KIAA1217: variants seen among roughly 807,000 people sequenced by gnomAD.
KIAA1217 encodes KIAA1217.
Under a neutral mutation model 163.9 loss-of-function variants are expected in KIAA1217, and 88 were observed. The observed-to-expected ratio is 0.54, with a 90% confidence interval of 0.45 to 0.64. The LOEUF (loss-of-function observed/expected upper bound fraction) is 0.64, where lower values mean the gene tolerates loss of function less well. Ranked by LOEUF, KIAA1217 falls within the 30% of genes least tolerant of loss-of-function variation. The pLI, the probability that KIAA1217 is intolerant of heterozygous loss-of-function variation, is 0.00. For missense variants in KIAA1217, 2,372 were observed against 2,475.0 expected (o/e 0.96, Z 0.88); for synonymous variants, 903 against 923.1 (o/e 0.98, Z 0.39).
At chr10:23,993,769 G>A (rs947487598) in intron 1 of KIAA1217, among the ~76,000 whole-genome samples, 6 of 151,704 alleles carry the variant, frequency 4.0e-5, no homozygotes, top group Admixed American at 2.0e-4. Flanking sequence ...AGCAGAAAAC[G>A]GGGTTTCACC....
At chr10:24,518,101 G>T (rs2070487084) in intron 10 of KIAA1217, among the ~76,000 whole-genome samples, 1 of 152,210 alleles carries the variant, frequency 6.6e-6, no homozygotes, top group African/African-American at 2.4e-5. Flanking sequence ...CCAACAAACT[G>T]CATGCTTCTT....
intron 5 of KIAA1217, among the ~76,000 whole-genome samples, chr10:24,447,661 A>G (rs914698416): frequency 6.6e-6 from 1 of 152,182 alleles, no homozygotes; most frequent in Admixed American, 6.5e-5. Context: ...GCCCTTTTCT[A>G]TCACCAACTT....
intron 1 of KIAA1217, among the ~76,000 whole-genome samples, chr10:23,977,203 A>T (rs1845578268): frequency 6.6e-6 from 1 of 152,248 alleles, no homozygotes. Context: ...AGAGAAGCAC[A>T]TCTTGAAGTT....
Position 24,370,264 on chromosome 10 carries a change from C to CAAAA in KIAA1217, c.355-10587_355-10584dup, listed in dbSNP as rs5783891. ...TGGGCAACAGAGCGAGACTCTGTCT[C>CAAAA]AAAAAAAAAAAAAAAAAAAAAGACA... is the stretch of plus-strand genomic sequence containing the variant. On this transcript the variant is annotated intron_variant, in intron 2 of 20. Coordinates refer to ENST00000376454, the MANE Select transcript of KIAA1217 (RefSeq NM_019590.5). 2.9e-4 allele frequency among the ~76,000 whole-genome samples: 21 copies of CAAAA among 73,416 alleles called. No homozygotes were observed. The East Asian group carries it at 3.4e-3, about 12-fold the overall frequency. The allele number at this position is 73,416 out of a possible 152,430, so 48.2% of individuals were successfully genotyped here.
chr10:24,379,344 C>T lies in KIAA1217; in HGVS notation c.355-1525C>T, dbSNP rs575538591. Among the ~76,000 whole-genome samples, 4 of 152,290 alleles carry T rather than the reference C, an allele frequency of 2.6e-5. No homozygotes were observed. In the East Asian group the frequency reaches 5.8e-4, roughly 22 times the overall value. ...TTTGTAAAAAATAAATCTAGGAATG[C>T]ACCACTTTGGGGACTTGTACAGAAA... On this transcript the variant is annotated intron_variant, in intron 2 of 20. Coordinates refer to ENST00000376454, the MANE Select transcript of KIAA1217 (RefSeq NM_019590.5).
intron 2 of KIAA1217, among the ~76,000 whole-genome samples, chr10:24,080,751 T>G (rs2061511298): frequency 6.6e-6 from 1 of 152,272 alleles, no homozygotes; most frequent in South Asian, 2.1e-4. Flanking sequence ...ATGTAAAGTG[T>G]CTTTAAGAAA....
In KIAA1217 at chr10:24,074,410, C is replaced by G. The variant is rs190355768; in HGVS notation, c.-171+67036C>G. Among the ~76,000 whole-genome samples the G allele has an allele frequency of 2.6e-5, 4 of 152,156 alleles. No individual in the cohort carries two copies. The East Asian group carries it at 7.7e-4, about 29-fold the overall frequency. On this transcript the variant is annotated intron_variant, in intron 2 of 18. Coordinates refer to the KIAA1217 transcript ENST00000376462. ...AAAAAACACCTAACTTTAAAACGTG[C>G]TTTTGGTGTTGCAGACATTTTCATT...
intron 1 of KIAA1217, among the ~76,000 whole-genome samples, chr10:23,893,073 T>C (rs999311785): frequency 2.0e-5 from 3 of 151,998 alleles, no homozygotes; most frequent in Non-Finnish European, 4.4e-5. Context: ...ATGGTACCAG[T>C]TCCTCCTTGT....
At chr10:24,175,023 A>AT (rs56155837) in intron 2 of KIAA1217, among the ~76,000 whole-genome samples, 98,100 of 148,692 alleles carry the variant, frequency 0.66, 32,712 homozygotes, top group Non-Finnish European at 0.73. Context: ...TGCCTGGCTA[A>AT]TTTTTTTTTT....
rs558266102 is a variant in KIAA1217, at chr10:23,828,081, T to C, written c.-321+132847T>C. 9.8e-5 allele frequency among the ~76,000 whole-genome samples: 15 copies of C among 152,324 alleles called. No homozygotes were observed. In the South Asian group the frequency reaches 1.4e-3, roughly 15 times the overall value. ...ATTAACGCTTATTGATTTTCTGCAA[T>C]GTTTTAAGTCCTGTGCACAAAGACG... On this transcript the variant is annotated intron_variant, in intron 1 of 18. Transcript: ENST00000376462.
At chr10:23,737,207 A>G (rs1228983243) in intron 1 of KIAA1217, among the ~76,000 whole-genome samples, 1 of 151,510 alleles carries the variant, frequency 6.6e-6, no homozygotes, top group Non-Finnish European at 1.5e-5. Context: ...TTACATTAAC[A>G]TATTTTTTTT....
At chr10:24,361,336 C>T (rs1240958155) in intron 2 of KIAA1217, among the ~76,000 whole-genome samples, 6 of 152,178 alleles carry the variant, frequency 3.9e-5, no homozygotes, top group Non-Finnish European at 8.8e-5. Context: ...TGCAGGCAGA[C>T]GCCACCATGC....
At chr10:23,966,220 GACTGATAGACA>G (rs1290262185) in intron 1 of KIAA1217, among the ~76,000 whole-genome samples, 6 of 152,168 alleles carry the variant, frequency 3.9e-5, no homozygotes, top group Non-Finnish European at 7.4e-5. Context: ...AGATCACGCT[GACTGATAGACA>G]ACAAGCCTCT....
intron 1 of KIAA1217, among the ~76,000 whole-genome samples, chr10:23,739,884 C>A (rs2130807516): frequency 6.6e-6 from 1 of 152,164 alleles, no homozygotes; most frequent in Non-Finnish European, 1.5e-5. Context: ...TGAAGCAGAG[C>A]CAACATGATT....
Position 23,824,584 on chromosome 10 carries a change from C to T in KIAA1217, c.-321+129350C>T, listed in dbSNP as rs181073249. 7.0e-3 allele frequency among the ~76,000 whole-genome samples: 865 copies of T among 122,698 alleles called. 9 individuals carry two copies. Among genetic ancestry groups the T allele is most frequent in the African/African-American group, 0.025 (827 of 33,018 alleles). The allele number at this position is 122,698 out of a possible 152,430, so 80.5% of individuals were successfully genotyped here. A position where few individuals can be genotyped will look rare whatever the true frequency, so the allele number is the denominator to read the frequency against. ...CAGAGGTTGCAGTGAGCTGAGATGGCGCCATTGCACTCCAGCCTGGGCAAC... is the reference window on the plus strand; with the variant it reads ...CAGAGGTTGCAGTGAGCTGAGATGGTGCCATTGCACTCCAGCCTGGGCAAC... On this transcript the variant is annotated intron_variant, in intron 1 of 18. Transcript: ENST00000376462.
At chr10:24,468,090 T>A (rs2063139299) in intron 5 of KIAA1217, among the ~76,000 whole-genome samples, 1 of 152,226 alleles carries the variant, frequency 6.6e-6, no homozygotes, top group African/African-American at 2.4e-5. Flanking sequence ...TTAACCATCA[T>A]GCTGCTTCCA....
rs947241508 is a variant in KIAA1217, at chr10:23,973,184, T to C, written c.-320-34041T>C. Among the ~76,000 whole-genome samples the C allele has an allele frequency of 2.1e-3, 314 of 149,054 alleles. 2 individuals carry two copies. The highest frequency in any genetic ancestry group is 7.1e-3 in the African/African-American group (282 of 39,988). ...AATACTGATGAATTTAAAGTTTTTT[T>C]CCGCATCCTTGTTATGTAGATGCAG... On this transcript the variant is annotated intron_variant, in intron 1 of 18. Transcript: ENST00000376462.
rs1835678202 is a variant in KIAA1217 at position 23,789,988 on chromosome 10, T to TACATATACATATATACACATAC, written c.-321+94763_-321+94764insTATATACACATACACATATACA. Among the ~76,000 whole-genome samples, 4 of 95,276 alleles carry TACATATACATATATACACATAC rather than the reference T, an allele frequency of 4.2e-5. 1 individual carries two copies. The highest frequency in any genetic ancestry group is 8.4e-5 in the Non-Finnish European group (4 of 47,644). 62.5% of individuals were successfully genotyped at this position (95,276 alleles called of 152,430 possible). Reference sequence around the variant, plus strand: ...ATATACATATACATATATACACATATACATATACACATATGCACATACACA... The same window carrying TACATATACATATATACACATAC: ...ATATACATATACATATATACACATATACATATACATATATACACATACACATATACACATATGCACATACACA... On this transcript the variant is annotated intron_variant, in intron 1 of 18. Coordinates refer to the KIAA1217 transcript ENST00000376462.
At chr10:23,708,347 T>C (rs1284440127) in intron 1 of KIAA1217, among the ~76,000 whole-genome samples, 2 of 152,138 alleles carry the variant, frequency 1.3e-5, no homozygotes, top group East Asian at 3.9e-4. Context: ...GTTAAGTTTA[T>C]TGAACAGCAG....
Sources: allele counts gnomAD v4.1 joint callset (sites outside exome capture counted in the v4.1 genomes callset), GRCh38; gene constraint gnomAD v4.1.1; transcripts MANE v1.5; gene names NCBI Gene and HGNC (gene_info 2026-07-23, HGNC 2026-07-21).